Variants in PRKAG2 observed in about 807,000 individuals in gnomAD.
The protein encoded by PRKAG2 is 5'-AMP-activated protein kinase subunit gamma-2.
PRKAG2 carries 26 observed loss-of-function variants against 69.6 expected under a neutral mutation model. The ratio of observed to expected loss-of-function variants is 0.37; its 90% CI spans 0.27 to 0.52. The LOEUF is 0.52. PRKAG2 is among the 20% of genes least tolerant of loss of function. The pLI, the probability that PRKAG2 is intolerant of heterozygous loss-of-function variation, is 0.90. For missense variants in PRKAG2, 557 were observed against 740.0 expected (o/e 0.75, Z 2.87); for synonymous variants, 293 against 285.0 (o/e 1.03, Z -0.28).
chr7:151,710,916 G>C (rs572528461), intron 3 of PRKAG2, among the ~76,000 whole-genome samples: 2 of 152,324 alleles, frequency 1.3e-5, no homozygotes, highest in East Asian at 3.8e-4. Flanking sequence ...AGAGTACTAA[G>C]AGTGCTAGGC....
chr7:151,729,279 G>A (rs1033763650), intron 3 of PRKAG2, among the ~76,000 whole-genome samples: 5 of 152,200 alleles, frequency 3.3e-5, no homozygotes, highest in South Asian at 2.1e-4. Context: ...TACAGTGTCC[G>A]AAACCCCCCA....
At chr7:151,641,226 T>A (rs1361463097) in intron 4 of PRKAG2, among the ~76,000 whole-genome samples, 3 of 150,976 alleles carry the variant, frequency 2.0e-5, no homozygotes, top group African/African-American at 7.3e-5. Flanking sequence ...TTCAGCTTTT[T>A]TGTTCCCTTC....
At chr7:151,599,734 T>C (rs1297209204) in intron 5 of PRKAG2, among the ~76,000 whole-genome samples, 1 of 152,164 alleles carries the variant, frequency 6.6e-6, no homozygotes, top group Non-Finnish European at 1.5e-5. Context: ...GCTCAGGCCA[T>C]AATGCTGGCT....
In PRKAG2 at chr7:151,715,347, A is replaced by AATT. The variant is rs750693914; in HGVS notation, c.467-39713_467-39711dup. Among the ~76,000 whole-genome samples the AATT allele has an allele frequency of 1.5e-3, 208 of 136,734 alleles. 1 individual carries two copies. The highest frequency in any genetic ancestry group is 2.4e-3 in the Non-Finnish European group (151 of 64,004). The allele number at this position is 136,734 out of a possible 152,430, so 89.7% of individuals were successfully genotyped here. ...CAAAAAAAAAAAAAAAAAAAAAAAAAATTATTATTATTTTTTTTGAGACAG... is the reference window on the plus strand; with the variant it reads ...CAAAAAAAAAAAAAAAAAAAAAAAAAATTATTATTATTATTTTTTTTGAGACAG... On this transcript the variant is annotated intron_variant, in intron 3 of 15. Coordinates refer to ENST00000287878, the MANE Select transcript of PRKAG2 (RefSeq NM_016203.4).
Position 151,871,500 on chromosome 7 carries a change from G to C in PRKAG2, c.114+5007C>G, listed in dbSNP as rs559073353. ...CTCCCCCTCCTCCTCCAAGACCCTG[G>C]AGCTGTGCCCATAAAGGTGACCCAA... is the stretch of plus-strand genomic sequence containing the variant. On this transcript the variant is annotated intron_variant, in intron 1 of 15. Transcript: ENST00000287878. Among the ~76,000 whole-genome samples the C allele has an allele frequency of 5.3e-5, 8 of 152,294 alleles. No homozygotes were observed. In the East Asian group the frequency reaches 1.4e-3, roughly 26 times the overall value.
chr7:151,576,075 G>A (rs1019124058), intron 7 of PRKAG2: 4 of 411,256 alleles, frequency 9.7e-6, no homozygotes, highest in Admixed American at 3.7e-5. Context: ...GGGCTCAAGT[G>A]ATCCTCCCAC....
chr7:151,866,518 A>T (rs1379739307), intron 1 of PRKAG2, among the ~76,000 whole-genome samples: 2 of 152,176 alleles, frequency 1.3e-5, no homozygotes, highest in East Asian at 3.8e-4. Flanking sequence ...TCTGTTGAAA[A>T]CCATGCCACC....
chr7:151,664,240 G>A (rs1057239444), intron 4 of PRKAG2, among the ~76,000 whole-genome samples: 7 of 152,138 alleles, frequency 4.6e-5, no homozygotes, highest in Non-Finnish European at 8.8e-5. Flanking sequence ...TGGCTTTAGC[G>A]TTTGCTAGCC....
At chr7:151,855,580 A>ACACACACTTTACACACACACCACCCTCCC (rs2079750393) in intron 1 of PRKAG2, among the ~76,000 whole-genome samples, 1 of 141,344 alleles carries the variant, frequency 7.1e-6, no homozygotes, top group African/African-American at 2.7e-5. Flanking sequence ...ACCACCCTAC[A>ACACACACTTTACACACACACCACCCTCCC]CACACACCAC....
intron 2 of PRKAG2, 35 bp downstream of exon 2, chr7:151,786,435 T>G: frequency 3.1e-4 from 488 of 1,574,350 alleles, no homozygotes; most frequent in Non-Finnish European, 3.8e-4. Flanking sequence ...GCACCTCAAG[T>G]GAGCTGTGAG....
chr7:151,875,737 G>A (rs1044368849), intron 1 of PRKAG2, among the ~76,000 whole-genome samples: 17 of 152,030 alleles, frequency 1.1e-4, no homozygotes, highest in Admixed American at 3.3e-4. Flanking sequence ...GGCGCCTTCC[G>A]AAAAGAGAAC....
intron 3 of PRKAG2, among the ~76,000 whole-genome samples, chr7:151,737,112 CT>C (rs2073482276): frequency 6.6e-6 from 1 of 152,192 alleles, no homozygotes; most frequent in African/African-American, 2.4e-5. Context: ...AAGTTACCTG[CT>C]TTGCTACTAA....
At chr7:151,579,051 C>T (rs965734240) in intron 6 of PRKAG2, among the ~76,000 whole-genome samples, 1 of 152,102 alleles carries the variant, frequency 6.6e-6, no homozygotes, top group African/African-American at 2.4e-5. Flanking sequence ...CTTTTTCACC[C>T]AGGCTGAAGT....
At chr7:151,760,611 C>T (rs2151756238) in intron 3 of PRKAG2, among the ~76,000 whole-genome samples, 1 of 152,330 alleles carries the variant, frequency 6.6e-6, no homozygotes, top group Admixed American at 6.5e-5. Context: ...AGCATTTCCT[C>T]TGCCCCAGAC....
Position 151,855,468 on chromosome 7 carries a change from CAT to C in PRKAG2, c.114+21037_114+21038del, listed in dbSNP as rs1563757607. On this transcript the variant is annotated intron_variant, in intron 1 of 15. Coordinates refer to ENST00000287878, the MANE Select transcript of PRKAG2 (RefSeq NM_016203.4). ...CACACACACCATCCTCCACACACAC[CAT>C]GCTCCACACACCACCCTCCACACAC... Among the ~76,000 whole-genome samples, 6 of 20,938 alleles carry C rather than the reference CAT, an allele frequency of 2.9e-4. 1 individual carries two copies. The highest frequency in any genetic ancestry group is 2.8e-4 in the Non-Finnish European group (3 of 10,574). 13.7% of individuals were successfully genotyped at this position (20,938 alleles called of 152,430 possible). A position where few individuals can be genotyped will look rare whatever the true frequency, so the allele number is the denominator to read the frequency against.
At chr7:151,799,950 T>G (rs960449348) in intron 1 of PRKAG2, among the ~76,000 whole-genome samples, 1 of 152,222 alleles carries the variant, frequency 6.6e-6, no homozygotes, top group African/African-American at 2.4e-5. Context: ...AAAATTTTAC[T>G]TTTTAGTCTT....
chr7:151,646,487 G>T (rs1827584664), intron 4 of PRKAG2, among the ~76,000 whole-genome samples: 2 of 152,074 alleles, frequency 1.3e-5, no homozygotes, highest in African/African-American at 4.8e-5. Flanking sequence ...TTTGCTGTTA[G>T]CATATAAAAA....
intron 1 of PRKAG2, among the ~76,000 whole-genome samples, chr7:151,813,421 G>A (rs2078523883): frequency 6.7e-6 from 1 of 149,588 alleles, no homozygotes; most frequent in South Asian, 2.1e-4. Context: ...CTAATCACCA[G>A]CACTCAAGGA....
intron 5 of PRKAG2, among the ~76,000 whole-genome samples, chr7:151,598,323 A>G (rs1815139832): frequency 6.6e-6 from 1 of 152,116 alleles, no homozygotes; most frequent in African/African-American, 2.4e-5. Context: ...GGGTATGAGG[A>G]GAGGTTGGTC....
Sources: gnomAD v4.1 joint callset for allele counts (sites outside exome capture counted in the v4.1 genomes callset) on GRCh38, gnomAD v4.1.1 for gene constraint, MANE v1.5 for transcripts, NCBI Gene and HGNC (gene_info 2026-07-23, HGNC 2026-07-21) for gene names.